The following FBXL17 variants were observed in gnomAD, a reference collection of about 807,000 sequenced individuals.
FBXL17 encodes F-box and leucine rich repeat protein 17.
A neutral mutation model predicts 66.2 loss-of-function variants in FBXL17; 22 were observed. The ratio of observed to expected loss-of-function variants is 0.33; its 90% confidence interval spans 0.24 to 0.47. FBXL17 has a LOEUF of 0.47. FBXL17 is among the 20% of genes least tolerant of loss of function. The pLI, the probability that FBXL17 is intolerant of heterozygous loss-of-function variation, is 1.00. For synonymous variants in FBXL17, 474 were observed against 400.5 expected (o/e 1.18, Z -2.19); for missense variants, 878 against 948.2 (o/e 0.93, Z 0.97).
In FBXL17 at chr5:108,204,454, A is replaced by G. The variant is rs1435904725; in HGVS notation, c.1615-18207T>C. ...TCTCACCTCAGCATCCCAAAGTACT[A>G]GGATTACAGGCATGAGCCAACACAC... On this transcript the variant is annotated intron_variant, in intron 5 of 8. Transcript: ENST00000542267. Among the ~76,000 whole-genome samples the G allele has an allele frequency of 2.6e-5, 4 of 152,182 alleles. No individual in the cohort carries two copies. In the East Asian group the frequency reaches 7.7e-4, roughly 29 times the overall value.
chr5:108,307,814 CTTTT>C (rs142574194), intron 4 of FBXL17, among the ~76,000 whole-genome samples: 6,457 of 151,980 alleles, frequency 0.042, 747 homozygotes, highest in East Asian at 0.39. Flanking sequence ...GAAAAAATTG[CTTTT>C]TTTGAGATAC....
chr5:108,368,971 T>TCTTTGGAC, intron 1 of FBXL17, among the ~76,000 whole-genome samples: 1 of 151,210 alleles, frequency 6.6e-6, no homozygotes, highest in African/African-American at 2.4e-5. Context: ...AAGGAAATTC[T>TCTTTGGAC]CTGTGGACCT....
chr5:107,909,201 G>C (rs1049079436), intron 7 of FBXL17, among the ~76,000 whole-genome samples: 32 of 152,124 alleles, frequency 2.1e-4, no homozygotes, highest in African/African-American at 7.5e-4. Flanking sequence ...CGTTTTGAAG[G>C]CTCATTATTA....
intron 7 of FBXL17, among the ~76,000 whole-genome samples, chr5:108,013,329 G>T (rs949651691): frequency 5.3e-5 from 8 of 152,154 alleles, no homozygotes; most frequent in Admixed American, 2.6e-4. Context: ...TTTTCATAAG[G>T]TTTCTTCAAA....
chr5:108,360,157 C>T (rs1257395402), intron 3 of FBXL17, among the ~76,000 whole-genome samples: 1 of 152,024 alleles, frequency 6.6e-6, no homozygotes, highest in Non-Finnish European at 1.5e-5. Context: ...TCCTTTCAAC[C>T]TCTATGTAGT....
chr5:108,340,471 A>C (rs1389765713), intron 4 of FBXL17, among the ~76,000 whole-genome samples: 1 of 152,120 alleles, frequency 6.6e-6, no homozygotes, highest in African/African-American at 2.4e-5. Context: ...CGATTTTATT[A>C]ACAGTAAGAA....
At chr5:108,365,704 T>C (rs540037747) in intron 2 of FBXL17, among the ~76,000 whole-genome samples, 9 of 152,218 alleles carry the variant, frequency 5.9e-5, no homozygotes, top group African/African-American at 1.9e-4. Flanking sequence ...GCAACTGATA[T>C]CTGAAGTGTG....
intron 7 of FBXL17, among the ~76,000 whole-genome samples, chr5:107,958,068 T>C (rs1274739683): frequency 6.6e-6 from 1 of 151,320 alleles, no homozygotes; most frequent in African/African-American, 2.4e-5. Flanking sequence ...GGCCATGTAA[T>C]ACAGGTGAAC....
chr5:108,282,233 A>G (rs561874770), intron 4 of FBXL17, among the ~76,000 whole-genome samples: 2 of 151,908 alleles, frequency 1.3e-5, no homozygotes, highest in Admixed American at 6.6e-5. Flanking sequence ...AAAACTACTG[A>G]CTAATATCTT....
intron 4 of FBXL17, among the ~76,000 whole-genome samples, chr5:108,256,537 C>T (rs953866783): frequency 5.9e-5 from 9 of 151,862 alleles, no homozygotes; most frequent in Non-Finnish European, 1.2e-4. Context: ...AATTTACTTC[C>T]ATATCTCCAA....
chr5:107,880,255 G>T (rs1040013479), intron 8 of FBXL17: 4 of 515,866 alleles, frequency 7.8e-6, no homozygotes, highest in Non-Finnish European at 5.0e-6. Context: ...TTGGGGGAGA[G>T]GGGGATAGAG....
chr5:108,109,681 C>G (rs1250343963), intron 6 of FBXL17, among the ~76,000 whole-genome samples: 5 of 152,044 alleles, frequency 3.3e-5, no homozygotes, highest in Non-Finnish European at 5.9e-5. Flanking sequence ...ATTTCTTTCC[C>G]CCACAGAATG....
At chr5:107,879,696 G>C in intron 8 of FBXL17, 1 of 985,432 alleles carries the variant, frequency 1.0e-6, no homozygotes, top group South Asian at 4.7e-5. Flanking sequence ...CCCTTTGAAT[G>C]GCGTGTCTAT....
intron 6 of FBXL17, among the ~76,000 whole-genome samples, chr5:108,032,921 T>A (rs1746700391): frequency 6.6e-6 from 1 of 152,192 alleles, no homozygotes; most frequent in South Asian, 2.1e-4. Context: ...TAAGATGATG[T>A]GATTGGATGG....
intron 4 of FBXL17, among the ~76,000 whole-genome samples, chr5:108,341,572 T>A (rs905324090): frequency 6.6e-6 from 1 of 152,134 alleles, no homozygotes; most frequent in South Asian, 2.1e-4. Flanking sequence ...TCAAAATAGA[T>A]AAATAAAACA....
intron 6 of FBXL17, among the ~76,000 whole-genome samples, chr5:108,180,821 C>T (rs1488983616): frequency 6.6e-6 from 1 of 151,966 alleles, no homozygotes; most frequent in African/African-American, 2.4e-5. Context: ...CTATATTGTT[C>T]TCCTAATTCA....
chr5:108,120,758 A>C (rs1245580509), intron 6 of FBXL17, among the ~76,000 whole-genome samples: 1 of 152,166 alleles, frequency 6.6e-6, no homozygotes, highest in Non-Finnish European at 1.5e-5. Flanking sequence ...CTTTGAGCCC[A>C]GGAGTTCGAG....
chr5:107,899,278 T>C (rs903031100), intron 7 of FBXL17, among the ~76,000 whole-genome samples: 1 of 152,228 alleles, frequency 6.6e-6, no homozygotes, highest in Non-Finnish European at 1.5e-5. Flanking sequence ...TAAAAATATG[T>C]GTTAACTGGC....
At chr5:107,919,127 C>CA (rs2112558311) in intron 7 of FBXL17, among the ~76,000 whole-genome samples, 1 of 151,576 alleles carries the variant, frequency 6.6e-6, no homozygotes, top group Non-Finnish European at 1.5e-5. Context: ...CGCACTGAGT[C>CA]AAAAAAAGAA....
Sources: allele counts gnomAD v4.1 joint callset (sites outside exome capture counted in the v4.1 genomes callset), GRCh38; gene constraint gnomAD v4.1.1; transcripts MANE v1.5; gene names NCBI Gene and HGNC (gene_info 2026-07-23, HGNC 2026-07-21).